Variants in NSUN2 observed in about 807,000 individuals in gnomAD.
NSUN2 encodes the protein NOP2/Sun RNA methyltransferase 2.
Under a neutral mutation model 92.7 loss-of-function variants are expected in NSUN2, and 63 were observed. That is an observed-to-expected ratio of 0.68 (90% CI 0.56 to 0.84). NSUN2 has a LOEUF of 0.84. NSUN2 is among the 40% of genes least tolerant of loss of function. The probability of loss-of-function intolerance (pLI) is 0.00; values close to 1 mark genes in which losing one functional copy is unlikely to be tolerated. For missense variants in NSUN2, 989 were observed against 964.9 expected (o/e 1.02, Z -0.33); for synonymous variants, 356 against 348.3 (o/e 1.02, Z -0.25).
chr5:6,630,352 C>G (rs891460074), intron 3 of NSUN2, among the ~76,000 whole-genome samples: 5 of 152,166 alleles, frequency 3.3e-5, no homozygotes, highest in Admixed American at 2.6e-4. Flanking sequence ...GTGGCCCAGG[C>G]TGGAGTGCAG....
At chr5:6,623,389 A>C in intron 4 of NSUN2, 104 bp from the exon 5 acceptor site, 2 of 907,818 alleles carry the variant, frequency 2.2e-6, no homozygotes, top group Non-Finnish European at 3.3e-6. Flanking sequence ...AACAGCACAT[A>C]ATCTTATACA....
At position 6,604,292 on chromosome 5, in the gene NSUN2, G is replaced by A; in HGVS notation, c.1819-16C>T. 1 of 1,580,968 alleles carries A rather than the reference G, an allele frequency of 6.3e-7. No homozygotes were observed. The highest frequency in any genetic ancestry group is 8.7e-7 in the Non-Finnish European group (1 of 1,154,798). ...TATATATTCCCTGTGTGAATAAAGA[G>A]AATGAGAGAACAGATACCATGATGT... On this transcript the variant is annotated splice_polypyrimidine_tract_variant and intron_variant, in intron 16 of 18. Transcript: ENST00000264670.
Position 6,607,274 on chromosome 5 carries a change from T to TGTG in NSUN2, c.1433_1434insCAC (p.Thr479dup). ...CATGAGCTATTTCTGTGTCACCAGT[T>TGTG]CCTGTGAATGACGGACTTTCCAGCT... On this transcript the variant is annotated inframe_insertion, in exon 13 of 19. Coordinates refer to ENST00000264670, the MANE Select transcript of NSUN2 (RefSeq NM_017755.6). 6.2e-7 allele frequency: 1 copy of TGTG among 1,614,212 alleles called. No individual in the cohort carries two copies. Among genetic ancestry groups the TGTG allele is most frequent in the Non-Finnish European group, 8.5e-7 (1 of 1,180,032 alleles).
chr5:6,627,015 A>G (rs1274715475), intron 3 of NSUN2, among the ~76,000 whole-genome samples: 1 of 152,166 alleles, frequency 6.6e-6, no homozygotes, highest in Non-Finnish European at 1.5e-5. Flanking sequence ...AAATATTACA[A>G]AATATACCTG....
intron 9 of NSUN2, among the ~76,000 whole-genome samples, chr5:6,612,662 G>A (rs116450948): frequency 0.018 from 2,799 of 152,330 alleles, 86 homozygotes; most frequent in African/African-American, 0.064. Context: ...GTGGAGGAAT[G>A]GCAGTAAGAA....
Position 6,631,739 on chromosome 5 carries a change from G to A in NSUN2, c.359+134C>T, listed in dbSNP as rs182097870. 5.5e-5 allele frequency: 37 copies of A among 678,500 alleles called. No individual in the cohort carries two copies. In the East Asian group the frequency reaches 6.3e-4, roughly 12 times the overall value. 42.0% of individuals were successfully genotyped at this position (678,500 alleles called of 1,614,324 possible). Reference sequence around the variant, plus strand: ...AATATAATGTTGATAAAAGCACCAGGTACTAGAACATTAGGATGTTTGCAA... The same window carrying A: ...AATATAATGTTGATAAAAGCACCAGATACTAGAACATTAGGATGTTTGCAA... On this transcript the variant is annotated intron_variant, in intron 3 of 18. Transcript: ENST00000264670.
At chr5:6,604,734 A>G in intron 15 of NSUN2, 49 bp from the exon 16 acceptor site, 2 of 1,472,130 alleles carry the variant, frequency 1.4e-6, no homozygotes, top group Middle Eastern at 1.7e-4. Context: ...AGACAGGACC[A>G]TCTCCTGTAA....
chr5:6,607,344 A>C lies in NSUN2; in HGVS notation c.1364T>G (p.Leu455Arg), dbSNP rs748434524. The C allele has an allele frequency of 2.5e-6, 4 of 1,614,168 alleles. No homozygotes were observed. The highest frequency in any genetic ancestry group is 2.2e-5 in the South Asian group (2 of 91,086). ...KSAETRESTQ[L>R]SPADLTEGKP... ...CCCTTCTGTGAGATCTGCAGGGCTC[A>C]GCTGTGTGCTTTCTCTGGTCTCTGC... The change falls in exon 13 of 19, where the codon CTG becomes CGG. Residue 455 changes from leucine (L) to arginine (R), a missense_variant. Physicochemically the swap from Leu to Arg is moderately radical, Grantham distance 102 (BLOSUM62 -2). Around this residue, in one of 3 missense-constraint regions of NSUN2, gnomAD observed 626 missense variants for 602.3 expected, o/e 1.04. Transcript: ENST00000264670.
intron 5 of NSUN2, among the ~76,000 whole-genome samples, chr5:6,622,581 C>T (rs1737488613): frequency 6.6e-6 from 1 of 152,168 alleles, no homozygotes. Flanking sequence ...GGCACAGTGG[C>T]TCACACCTGT....
At position 6,627,997 on chromosome 5, in the gene NSUN2, G is replaced by A. The variant is rs139090736; in HGVS notation, c.360-2328C>T. 2.3e-3 allele frequency among the ~76,000 whole-genome samples: 355 copies of A among 152,300 alleles called. 1 individual carries two copies. The highest frequency in any genetic ancestry group is 0.01 in the Middle Eastern group (3 of 294). On this transcript the variant is annotated intron_variant, in intron 3 of 18. Transcript: ENST00000264670. ...CATATTAAAAATTCTCAAGTGGTAA[G>A]GACTCTGTAAATATATACAACATCT...
At chr5:6,603,625 G>C (rs148014732) in intron 17 of NSUN2, among the ~76,000 whole-genome samples, 2,651 of 152,322 alleles carry the variant, frequency 0.017, 36 homozygotes, top group South Asian at 0.028. Context: ...GGGAGGCGGA[G>C]CTTGCAGTGA....
rs771471078 is a variant in NSUN2, at chr5:6,604,138, C to T, written c.1957G>A (p.Ala653Thr). ...TCTCTATGCATTTCCAACTACTCACCCAGGTCCTTTGCTTGACTGTAGGTC... is the reference window on the plus strand; with the variant it reads ...TCTCTATGCATTTCCAACTACTCACTCAGGTCCTTTGCTTGACTGTAGGTC... Reference protein sequence around the residue: ...SETYSQAKDLAKGSIVLKYEP... With the variant: ...SETYSQAKDLTKGSIVLKYEP... The change falls in exon 17 of 19, where the codon GCA (alanine) becomes ACA (threonine). Residue 653 changes from alanine to threonine, a missense_variant and splice_region_variant. Ala to Thr is a moderately conservative substitution (Grantham distance 58, BLOSUM62 0). Coordinates refer to ENST00000264670, the MANE Select transcript of NSUN2 (RefSeq NM_017755.6). 7.4e-6 allele frequency: 12 copies of T among 1,612,574 alleles called. No homozygotes were observed. The highest frequency in any genetic ancestry group is 4.2e-6 in the Non-Finnish European group (5 of 1,179,424).
At position 6,611,448 on chromosome 5, in the gene NSUN2, T is replaced by TAAAAA. The variant is rs760872450; in HGVS notation, c.1095+272_1095+276dup. ...ACAAGGCTTGAATCCCGGCCCAATT[T>TAAAAA]AAAAAAAAAAAAAAAAAGCAAAGCT... is the stretch of plus-strand genomic sequence containing the variant. On this transcript the variant is annotated intron_variant, in intron 10 of 18. Coordinates refer to ENST00000264670, the MANE Select transcript of NSUN2 (RefSeq NM_017755.6). Among the ~76,000 whole-genome samples, 497 of 86,074 alleles carry TAAAAA rather than the reference T, an allele frequency of 5.8e-3. 27 individuals carry two copies. Among genetic ancestry groups the TAAAAA allele is most frequent in the Admixed American group, 0.055 (391 of 7,052 alleles). The allele number at this position is 86,074 out of a possible 152,430, so 56.5% of individuals were successfully genotyped here.
chr5:6,632,901 C>T lies in NSUN2; in HGVS notation c.79G>A (p.Gly27Arg), dbSNP rs1260848466. ...EDAEDGAEGG[G>R]KRGEAGWEGG... ...GCTCCTACCGCCTCGCCGCGCTTTCCACCACCCTCGGCGCCATCCTCCGCG... is the reference window on the plus strand; with the variant it reads ...GCTCCTACCGCCTCGCCGCGCTTTCTACCACCCTCGGCGCCATCCTCCGCG... Residue 27 changes from glycine to arginine, a missense_variant, in exon 1 of 19, where the codon GGA becomes AGA. By Grantham distance (125) the Gly-to-Arg change is moderately radical (BLOSUM62 -2). Transcript: ENST00000264670. 1.3e-6 allele frequency: 2 copies of T among 1,529,504 alleles called. No homozygotes were observed. The highest frequency in any genetic ancestry group is 4.0e-5 in the Admixed American group (2 of 50,582). 94.7% of individuals were successfully genotyped at this position (1,529,504 alleles called of 1,614,324 possible). A position where few individuals can be genotyped will look rare whatever the true frequency, so the allele number is the denominator to read the frequency against.
At chr5:6,620,395 C>T in intron 6 of NSUN2, 97 bp from the exon 7 acceptor site, 2 of 934,702 alleles carry the variant, frequency 2.1e-6, no homozygotes, top group African/African-American at 1.7e-5. Flanking sequence ...TGAGAAGCAG[C>T]AATCCACCAA....
chr5:6,620,353 C>G, intron 6 of NSUN2, 55 bp from the exon 7 acceptor site: 1 of 1,345,450 alleles, frequency 7.4e-7, no homozygotes, highest in South Asian at 1.6e-5. Context: ...GGAATCACAT[C>G]CTGAAATATG....
In NSUN2 at chr5:6,620,108, G is replaced by A. The variant is rs1444356449; in HGVS notation, c.813C>T (p.Cys271=). The change falls in exon 7 of 19, where the codon TGC becomes TGT. Residue 271 remains cysteine, a splice_region_variant and synonymous_variant. Transcript: ENST00000264670. ...TTTTTGGCCAATAAGATAAATACCT[G>A]CAAGGGACATCACATAAAATTCGAT... is the stretch of plus-strand genomic sequence containing the variant. ...FYDRILCDVP[C]SGDGTMRKNI... The A allele has an allele frequency of 1.3e-6, 2 of 1,583,648 alleles. No homozygotes were observed. The highest frequency in any genetic ancestry group is 1.7e-6 in the Non-Finnish European group (2 of 1,167,222).
At chr5:6,631,051 G>A (rs1284329938) in intron 3 of NSUN2, among the ~76,000 whole-genome samples, 2 of 152,190 alleles carry the variant, frequency 1.3e-5, no homozygotes, top group Non-Finnish European at 2.9e-5. Flanking sequence ...CCAAGATGGT[G>A]CCACTGCTCT....
intron 13 of NSUN2, 141 bp downstream of exon 13, chr5:6,607,059 A>G: frequency 1.0e-6 from 1 of 996,890 alleles, no homozygotes; most frequent in Non-Finnish European, 1.6e-6. Context: ...CACAGAGTCC[A>G]GCCCTCACAC....
Sources: gnomAD v4.1 joint callset for allele counts (sites outside exome capture counted in the v4.1 genomes callset) on GRCh38, gnomAD v4.1.1 for gene constraint, gnomAD v4.1.1 regional missense constraint, MANE v1.5 for transcripts, NCBI Gene and HGNC (gene_info 2026-07-23, HGNC 2026-07-21) for gene names.